The following ASTN2 variants were observed in gnomAD, a reference collection of about 807,000 sequenced individuals.
ASTN2 encodes astrotactin-2.
In ASTN2, 54 loss-of-function variants were observed where a neutral mutation model predicts 139.8. The ratio of observed to expected loss-of-function variants is 0.39; its 90% CI spans 0.31 to 0.48. The LOEUF is 0.48. Among genes scored for constraint, ASTN2 ranks in the 20% least tolerant of loss-of-function variants. The pLI, the probability that ASTN2 is intolerant of heterozygous loss-of-function variation, is 0.95. For synonymous variants in ASTN2, 756 were observed against 719.5 expected (o/e 1.05, Z -0.81); for missense variants, 1,565 against 1,725.1 (o/e 0.91, Z 1.64).
At chr9:117,188,166 T>TAGAGAGAGAGAG (rs150848006) in intron 3 of ASTN2, among the ~76,000 whole-genome samples, 219 of 125,728 alleles carry the variant, frequency 1.7e-3, no homozygotes, top group African/African-American at 3.9e-3. Context: ...GTCTGTGTGA[T>TAGAGAGAGAGAG]AGAGAGAGAG....
intron 10 of ASTN2, among the ~76,000 whole-genome samples, chr9:116,966,694 C>A (rs1836019574): frequency 7.0e-6 from 1 of 143,668 alleles, no homozygotes; most frequent in Admixed American, 7.2e-5. Flanking sequence ...TCAGACGGGC[C>A]TCATTTTCTT....
At chr9:116,894,340 T>C (rs1183054792) in intron 10 of ASTN2, among the ~76,000 whole-genome samples, 1 of 152,074 alleles carries the variant, frequency 6.6e-6, no homozygotes, top group Non-Finnish European at 1.5e-5. Flanking sequence ...ATGACTCCAT[T>C]ACAATTTAAA....
intron 19 of ASTN2, among the ~76,000 whole-genome samples, chr9:116,569,352 G>A (rs111814773): frequency 8.3e-4 from 127 of 152,270 alleles, no homozygotes; most frequent in African/African-American, 2.9e-3. Context: ...TATGTGCAAA[G>A]TGCTTAACGT....
intron 22 of ASTN2, among the ~76,000 whole-genome samples, chr9:116,431,812 G>T (rs1399533203): frequency 1.3e-5 from 2 of 152,162 alleles, no homozygotes; most frequent in African/African-American, 4.8e-5. Context: ...TGACCAGGGT[G>T]ACAGGAGGAT....
chr9:116,512,876 T>A (rs1273066787), intron 19 of ASTN2, among the ~76,000 whole-genome samples: 2 of 152,218 alleles, frequency 1.3e-5, no homozygotes, highest in African/African-American at 4.8e-5. Context: ...CATCTCTTTA[T>A]TTTGAGCCTA....
intron 10 of ASTN2, among the ~76,000 whole-genome samples, chr9:116,889,949 A>C (rs143483202): frequency 9.1e-4 from 138 of 152,258 alleles, no homozygotes; most frequent in African/African-American, 3.1e-3. Context: ...AAAATAAGAA[A>C]GTTTAGGAAA....
At chr9:116,516,724 T>C (rs1167787207) in intron 19 of ASTN2, among the ~76,000 whole-genome samples, 2 of 152,238 alleles carry the variant, frequency 1.3e-5, no homozygotes, top group African/African-American at 2.4e-5. Flanking sequence ...GGGCAAGTTT[T>C]CAGCCCTGGC....
chr9:117,286,946 C>T (rs1834464486), intron 2 of ASTN2, among the ~76,000 whole-genome samples: 1 of 152,186 alleles, frequency 6.6e-6, no homozygotes, highest in South Asian at 2.1e-4. Context: ...TTTGGACAGA[C>T]CAGAGTTAGA....
chr9:116,976,318 C>T (rs534183290), intron 8 of ASTN2, 130 bp from the exon 9 acceptor site: 1 of 704,932 alleles, frequency 1.4e-6, no homozygotes, highest in Non-Finnish European at 2.4e-6. Context: ...GGCAAGACTA[C>T]TTATATTATA....
chr9:116,775,587 G>C (rs1338203819), intron 13 of ASTN2, among the ~76,000 whole-genome samples: 1 of 51,812 alleles, frequency 1.9e-5, no homozygotes, highest in Non-Finnish European at 3.7e-5. Flanking sequence ...GAGGAAGTAA[G>C]GGAGGGAGGG....
At chr9:116,493,807 G>A (rs1335184111) in intron 19 of ASTN2, among the ~76,000 whole-genome samples, 1 of 152,144 alleles carries the variant, frequency 6.6e-6, no homozygotes, top group Admixed American at 6.5e-5. Context: ...GGGATGTGGG[G>A]GTGGGGACGG....
At chr9:117,219,725 G>A (rs1832453231) in intron 2 of ASTN2, among the ~76,000 whole-genome samples, 1 of 152,178 alleles carries the variant, frequency 6.6e-6, no homozygotes, top group Admixed American at 6.5e-5. Context: ...GGAGGAAGTG[G>A]AGAAGAGATG....
chr9:116,678,958 T>A (rs57454229), intron 16 of ASTN2, among the ~76,000 whole-genome samples: 21,711 of 152,200 alleles, frequency 0.14, 1,640 homozygotes, highest in Middle Eastern at 0.2. Flanking sequence ...CTTTTGAAGA[T>A]GATTTTCATG....
At chr9:117,309,050 AC>A (rs1434918492) in intron 1 of ASTN2, among the ~76,000 whole-genome samples, 2 of 152,238 alleles carry the variant, frequency 1.3e-5, no homozygotes, top group Admixed American at 1.3e-4. Flanking sequence ...CATAATCCTC[AC>A]AACTACCTTT....
intron 13 of ASTN2, among the ~76,000 whole-genome samples, chr9:116,750,924 T>G (rs754984887): frequency 6.6e-6 from 1 of 152,210 alleles, no homozygotes; most frequent in Non-Finnish European, 1.5e-5. Flanking sequence ...TTTGTTCTTT[T>G]CAAAATTTGA....
rs1588197348 is a variant in ASTN2, at chr9:116,686,618, G to T, written c.2807-34825C>A. 7.8e-6 allele frequency: 11 copies of T among 1,408,938 alleles called. No homozygotes were observed. In the East Asian group the frequency reaches 2.7e-4, roughly 35 times the overall value. The allele number at this position is 1,408,938 out of a possible 1,614,324, so 87.3% of individuals were successfully genotyped here. On this transcript the variant is annotated intron_variant, in intron 16 of 22. Transcript: ENST00000313400. ...GTGCCCCAGATTCCCTCAAATCTCAGGCCAGATCACCTCCCACCTGGTAAG... is the reference window on the plus strand; with the variant it reads ...GTGCCCCAGATTCCCTCAAATCTCATGCCAGATCACCTCCCACCTGGTAAG...
At chr9:117,385,177 T>C (rs1484628111) in intron 1 of ASTN2, among the ~76,000 whole-genome samples, 1 of 152,098 alleles carries the variant, frequency 6.6e-6, no homozygotes, top group African/African-American at 2.4e-5. Context: ...ATTAATATAT[T>C]AACTGTGAAA....
intron 3 of ASTN2, among the ~76,000 whole-genome samples, chr9:117,208,819 A>G (rs946515228): frequency 6.6e-6 from 1 of 152,222 alleles, no homozygotes; most frequent in Non-Finnish European, 1.5e-5. Flanking sequence ...ATGAGATGAC[A>G]TATTCCAAGC....
intron 1 of ASTN2, among the ~76,000 whole-genome samples, chr9:117,307,772 A>G (rs914190616): frequency 1.3e-5 from 2 of 152,184 alleles, no homozygotes; most frequent in Admixed American, 6.5e-5. Flanking sequence ...CCTCAAATAC[A>G]TGGGTACATA....
Sources: gnomAD v4.1 joint callset for allele counts (sites outside exome capture counted in the v4.1 genomes callset) on GRCh38, gnomAD v4.1.1 for gene constraint, MANE v1.5 for transcripts, NCBI Gene and HGNC (gene_info 2026-07-23, HGNC 2026-07-21) for gene names.